Variants in TMEM132D observed in about 807,000 individuals in gnomAD.
The protein encoded by TMEM132D is transmembrane protein 132D.
A neutral mutation model predicts 62.3 loss-of-function variants in TMEM132D; 21 were observed. The ratio of observed to expected loss-of-function variants is 0.34; its 90% CI spans 0.24 to 0.49. The LOEUF (loss-of-function observed/expected upper bound fraction) is 0.49, where lower values mean the gene tolerates loss of function less well. Ranked by LOEUF, TMEM132D falls within the 20% of genes least tolerant of loss-of-function variation. The pLI is 0.99. For missense variants in TMEM132D, 1,346 were observed against 1,402.8 expected (o/e 0.96, Z 0.65); for synonymous variants, 621 against 575.6 (o/e 1.08, Z -1.13).
rs557207660 is a variant in TMEM132D at position 129,094,054 on chromosome 12, G to A, written c.1444-9352C>T. Among the ~76,000 whole-genome samples, 113 of 152,142 alleles carry A rather than the reference G, an allele frequency of 7.4e-4. 1 individual carries two copies. The highest frequency in any genetic ancestry group is 1.1e-3 in the Non-Finnish European group (76 of 68,002). On this transcript the variant is annotated intron_variant, in intron 5 of 8. Transcript: ENST00000422113. Reference sequence around the variant, plus strand: ...TTCAAGATGGATTAAAGACTTAAATGTTAGACCTAAAACCATAAAAACCCT... The same window carrying A: ...TTCAAGATGGATTAAAGACTTAAATATTAGACCTAAAACCATAAAAACCCT...
At chr12:129,214,271 A>T (rs2135569810) in intron 4 of TMEM132D, among the ~76,000 whole-genome samples, 1 of 144,304 alleles carries the variant, frequency 6.9e-6, no homozygotes, top group South Asian at 2.3e-4. Flanking sequence ...AGTGCTTTTT[A>T]TTTTGATTTT....
At chr12:129,089,620 G>T (rs559033443) in intron 5 of TMEM132D, among the ~76,000 whole-genome samples, 2 of 152,350 alleles carry the variant, frequency 1.3e-5, no homozygotes, top group African/African-American at 4.8e-5. Flanking sequence ...CCCTGACGGG[G>T]GCCTTGCTGG....
At chr12:129,474,039 G>A (rs1436275803) in intron 3 of TMEM132D, among the ~76,000 whole-genome samples, 1 of 152,166 alleles carries the variant, frequency 6.6e-6, no homozygotes, top group Admixed American at 6.5e-5. Flanking sequence ...TGCAGTGACT[G>A]GCAAAGCAGA....
intron 1 of TMEM132D, among the ~76,000 whole-genome samples, chr12:129,843,862 G>T (rs1348692582): frequency 6.6e-6 from 1 of 152,084 alleles, no homozygotes; most frequent in African/African-American, 2.4e-5. Flanking sequence ...GCCGAGGTGG[G>T]GGGATTGCTT....
chr12:129,437,026 T>C (rs1276588576), intron 3 of TMEM132D, among the ~76,000 whole-genome samples: 4 of 152,224 alleles, frequency 2.6e-5, no homozygotes, highest in African/African-American at 9.6e-5. Context: ...TGTTTCTTTT[T>C]CCTTTTCATC....
At chr12:129,749,466 T>A (rs1376301683) in intron 1 of TMEM132D, among the ~76,000 whole-genome samples, 1 of 42,764 alleles carries the variant, frequency 2.3e-5, no homozygotes, top group South Asian at 5.8e-4. Context: ...AAAGAATCTT[T>A]TTTTTTTTTT....
chr12:129,860,319 T>C (rs112433414), intron 1 of TMEM132D, among the ~76,000 whole-genome samples: 4 of 152,304 alleles, frequency 2.6e-5, no homozygotes, highest in African/African-American at 9.6e-5. Flanking sequence ...AAAGAGAACT[T>C]TATTTGACAT....
rs187670544 is a variant in TMEM132D at position 129,418,080 on chromosome 12, A to T, written c.1116-80263T>A. 3.3e-5 allele frequency among the ~76,000 whole-genome samples: 5 copies of T among 152,358 alleles called. No homozygotes were observed. The East Asian group carries it at 9.6e-4, about 29-fold the overall frequency. On this transcript the variant is annotated intron_variant, in intron 3 of 8. Coordinates refer to ENST00000422113, the MANE Select transcript of TMEM132D (RefSeq NM_133448.3). ...GCTGGAGAGGATGTGGAGAAATAGG[A>T]ACACTTTTACACTGTTGGTGGAACT...
At chr12:129,474,746 A>G (rs961873926) in intron 3 of TMEM132D, among the ~76,000 whole-genome samples, 1 of 152,172 alleles carries the variant, frequency 6.6e-6, no homozygotes, top group Non-Finnish European at 1.5e-5. Flanking sequence ...GGAGGGCTCT[A>G]CATGTTCAGT....
At position 129,747,569 on chromosome 12, in the gene TMEM132D, G is replaced by GAC. The variant is rs142743881; in HGVS notation, c.80-46873_80-46872dup. On this transcript the variant is annotated intron_variant, in intron 1 of 8. Transcript: ENST00000422113. Reference sequence around the variant, plus strand: ...TCAGACACCCTCTCACACACTTTCAGACACACACACACACGCGCTCACATG... The same window carrying GAC: ...TCAGACACCCTCTCACACACTTTCAGACACACACACACACACGCGCTCACATG... 6.0e-4 allele frequency among the ~76,000 whole-genome samples: 86 copies of GAC among 144,396 alleles called. No individual in the cohort carries two copies. The East Asian group carries it at 8.4e-3, about 14-fold the overall frequency. 94.7% of individuals were successfully genotyped at this position (144,396 alleles called of 152,430 possible).
At chr12:129,333,303 AT>A (rs1342160344) in intron 4 of TMEM132D, among the ~76,000 whole-genome samples, 1 of 152,248 alleles carries the variant, frequency 6.6e-6, no homozygotes, top group Non-Finnish European at 1.5e-5. Flanking sequence ...AAGGAATACA[AT>A]ATTGCATATC....
chr12:129,531,291 G>GCTCA, intron 2 of TMEM132D, 86 bp from the exon 3 acceptor site: 1 of 1,455,400 alleles, frequency 6.9e-7, no homozygotes, highest in East Asian at 2.3e-5. Context: ...GAGCTTAATT[G>GCTCA]CTCACCGTTG....
chr12:129,596,005 A>C (rs1041202952), intron 2 of TMEM132D, among the ~76,000 whole-genome samples: 1 of 152,254 alleles, frequency 6.6e-6, no homozygotes, highest in Non-Finnish European at 1.5e-5. Context: ...AATAAGTTCA[A>C]AGGCTTGAAA....
intron 1 of TMEM132D, among the ~76,000 whole-genome samples, chr12:129,821,389 T>C (rs1157791390): frequency 3.3e-5 from 5 of 152,054 alleles, no homozygotes; most frequent in African/African-American, 1.2e-4. Flanking sequence ...CTGGGGGGTT[T>C]GAATTTTAAC....
chr12:129,151,281 C>T (rs1489047657), intron 5 of TMEM132D, among the ~76,000 whole-genome samples: 5 of 152,160 alleles, frequency 3.3e-5, no homozygotes, highest in Non-Finnish European at 5.9e-5. Context: ...CGGGGTTATT[C>T]GCCTAGGTTA....
At position 129,827,864 on chromosome 12, in the gene TMEM132D, C is replaced by T. The variant is rs1872701735; in HGVS notation, c.79+75397G>A. 6.6e-6 allele frequency among the ~76,000 whole-genome samples: 1 copy of T among 152,160 alleles called. No individual in the cohort carries two copies. Among genetic ancestry groups the T allele is most frequent in the Admixed American group, 6.5e-5 (1 of 15,268 alleles). On this transcript the variant is annotated intron_variant, in intron 1 of 8. Transcript: ENST00000422113. This position sits in a 1 kb window ranked among gnomAD's most constrained non-coding sequence, Gnocchi z 9.7. ...TAAAAAATAAAATATGTATAAGCTG[C>T]CTGCTACAGCCACTAAGTGATAAAA...
At chr12:129,715,052 A>G (rs1347244057) in intron 1 of TMEM132D, among the ~76,000 whole-genome samples, 2 of 152,220 alleles carry the variant, frequency 1.3e-5, no homozygotes, top group African/African-American at 4.8e-5. Flanking sequence ...TACATCTCAT[A>G]ATTTTTTAAA....
At chr12:129,741,497 G>A (rs986921732) in intron 1 of TMEM132D, among the ~76,000 whole-genome samples, 3 of 152,140 alleles carry the variant, frequency 2.0e-5, no homozygotes, top group African/African-American at 7.2e-5. Flanking sequence ...AAATAACAGG[G>A]TCTTGAGAGA....
intron 3 of TMEM132D, among the ~76,000 whole-genome samples, chr12:129,359,119 A>C (rs956731145): frequency 2.6e-5 from 4 of 152,226 alleles, no homozygotes; most frequent in African/African-American, 9.6e-5. Flanking sequence ...TCCGAGTCAT[A>C]GTACTGCATA....
Sources: gnomAD v4.1 joint callset for allele counts (sites outside exome capture counted in the v4.1 genomes callset) on GRCh38, gnomAD v4.1.1 for gene constraint, Gnocchi (gnomAD v3.1) non-coding constraint, MANE v1.5 for transcripts, NCBI Gene and HGNC (gene_info 2026-07-23, HGNC 2026-07-21) for gene names.